Variants in PLSCR3 observed in about 807,000 individuals in gnomAD.
PLSCR3 encodes the protein PL scramblase 3.
A neutral mutation model predicts 33.7 loss-of-function variants in PLSCR3; 17 were observed. The observed-to-expected ratio is 0.50, with a 90% CI of 0.35 to 0.76. The LOEUF is 0.76. Among genes scored for constraint, PLSCR3 ranks in the 30% least tolerant of loss-of-function variants. The pLI, the probability that PLSCR3 is intolerant of heterozygous loss-of-function variation, is 0.01. For missense variants in PLSCR3, 360 were observed against 394.1 expected, an observed-to-expected ratio of 0.91 and a Z score of 0.73; for synonymous variants, 166 against 166.0, an observed-to-expected ratio of 1.00 and a Z score of 0.00.
chr17:7,393,112 G>GGCCCCC (rs1905860108), intron 5 of PLSCR3, 32 bp downstream of exon 5: 175 of 1,255,838 alleles, frequency 1.4e-4, no homozygotes, highest in Non-Finnish European at 1.6e-4. Flanking sequence ...CCCCACCAAG[G>GGCCCCC]CCCGCCCTCC....
chr17:7,390,324 A>C lies in PLSCR3; in HGVS notation c.*61T>G. The C allele has an allele frequency of 7.7e-7, 1 of 1,294,958 alleles. No individual in the cohort carries two copies. The highest frequency in any genetic ancestry group is 1.1e-6 in the Non-Finnish European group (1 of 930,524). The allele number at this position is 1,294,958 out of a possible 1,614,324, so 80.2% of individuals were successfully genotyped here. The stretch of plus-strand genomic sequence containing the variant: ...AAAGGGGCTGCCCAGAGGAGGGGCC[A>C]GGGCAGGTGACCATCTGGAGTTCTG... On this transcript the variant is annotated 3_prime_UTR_variant, in exon 8 of 8. Coordinates refer to ENST00000619711, the MANE Select transcript of PLSCR3 (RefSeq NM_020360.4).
Position 7,393,160 on chromosome 17 carries a change from G to A in PLSCR3, c.491C>T (p.Pro164Leu). The A allele has an allele frequency of 7.1e-7, 1 of 1,414,320 alleles. No individual in the cohort carries two copies. The highest frequency in any genetic ancestry group is 2.6e-4 in the Middle Eastern group (1 of 3,818). 87.6% of individuals were successfully genotyped at this position (1,414,320 alleles called of 1,614,324 possible). ...RPLHCGCSCC[P>L]CGLQEMEVQA... is the part of the protein sequence containing the mutation. ...TCCGCCCACCTCCTGGAGGCCACAG[G>A]GGCAGCAGCTGCAGCCACAGTGCAG... Residue 164 changes from proline (P) to leucine (L), a missense_variant, in exon 5 of 8, where the codon CCC becomes CTC. Coordinates refer to ENST00000619711, the MANE Select transcript of PLSCR3 (RefSeq NM_020360.4).
At position 7,391,923 on chromosome 17, in the gene PLSCR3, C is replaced by G. The variant is rs1175887353; in HGVS notation, c.669+868G>C. On this transcript the variant is annotated intron_variant, in intron 6 of 7. Transcript: ENST00000619711. This position sits in a 1 kb window ranked among gnomAD's most constrained non-coding sequence, Gnocchi z 4.1. ...AGGGTCGGTCAGGTGCGGTGGCTCA[C>G]GCCTGTAATCCCAGCACTTTGGGAG... Among the ~76,000 whole-genome samples the G allele has an allele frequency of 6.6e-6, 1 of 152,206 alleles. No homozygotes were observed. The highest frequency in any genetic ancestry group is 1.5e-5 in the Non-Finnish European group (1 of 68,040).
chr17:7,392,784 C>T lies in PLSCR3; in HGVS notation c.669+7G>A, dbSNP rs1905820068. 2.5e-6 allele frequency: 4 copies of T among 1,613,700 alleles called. No homozygotes were observed. Among genetic ancestry groups the T allele is most frequent in the Non-Finnish European group, 2.5e-6 (3 of 1,179,876 alleles). ...AAGGTCCCAAGAGCCTCTAGTATTC[C>T]TGATACCTCAAAGTTGGTGTCTGTG... On this transcript the variant is annotated splice_region_variant and intron_variant, in intron 6 of 7. Coordinates refer to ENST00000619711, the MANE Select transcript of PLSCR3 (RefSeq NM_020360.4).
At chr17:7,392,044 G>C (rs556473696) in intron 6 of PLSCR3, among the ~76,000 whole-genome samples, 2 of 152,322 alleles carry the variant, frequency 1.3e-5, no homozygotes, top group African/African-American at 4.8e-5. Flanking sequence ...AATTAGCCAG[G>C]CATGGCGGCG....
In PLSCR3 at chr17:7,393,221, G is replaced by T; in HGVS notation, c.430C>A (p.Pro144Thr). ...RRPLRVRLADPGDREVLRLLR... is the reference protein window; with the variant it reads ...RRPLRVRLADTGDREVLRLLR... ...AAACGCAGCACCTCACGGTCCCCGGGGTCGGCCAGGCGGACACGCAGCGGC... is the reference window on the plus strand; with the variant it reads ...AAACGCAGCACCTCACGGTCCCCGGTGTCGGCCAGGCGGACACGCAGCGGC... Residue 144 changes from proline to threonine, a missense_variant, in exon 5 of 8, where the codon CCC becomes ACC. Pro to Thr is a conservative substitution (Grantham distance 38). Transcript: ENST00000619711. The T allele has an allele frequency of 1.3e-6, 2 of 1,573,864 alleles. No homozygotes were observed. The highest frequency in any genetic ancestry group is 1.7e-6 in the Non-Finnish European group (2 of 1,167,702).
Position 7,393,180 on chromosome 17 carries a change from G to A in PLSCR3, c.471C>T (p.His157=). Residue 157 remains histidine, a synonymous_variant, in exon 5 of 8, where the codon CAC becomes CAT. Transcript: ENST00000619711. ...REVLRLLRPL[H]CGCSCCPCGL... is the part of the protein sequence containing the mutation. The stretch of plus-strand genomic sequence containing the variant: ...CACAGGGGCAGCAGCTGCAGCCACA[G>A]TGCAGCGGGCGGAGCAAACGCAGCA... The A allele has an allele frequency of 7.5e-7, 1 of 1,329,020 alleles. No homozygotes were observed. The highest frequency in any genetic ancestry group is 9.7e-7 in the Non-Finnish European group (1 of 1,025,770). The allele number at this position is 1,329,020 out of a possible 1,614,324, so 82.3% of individuals were successfully genotyped here.
At position 7,393,656 on chromosome 17, in the gene PLSCR3, G is replaced by A; in HGVS notation, c.188C>T (p.Ala63Val). ...PSPGPVALGS[A>V]APFLPLPGVP... ...CCCTGGCAGTGGCAAGAAGGGGGCA[G>A]CAGACCCCAAGGCCACGGGGCCAGG... The change falls in exon 3 of 8, where the codon GCT (alanine) becomes GTT (valine). Residue 63 changes from alanine (A) to valine (V), a missense_variant. Ala to Val is a moderately conservative substitution (Grantham distance 64). Coordinates refer to ENST00000619711, the MANE Select transcript of PLSCR3 (RefSeq NM_020360.4). The A allele has an allele frequency of 6.2e-7, 1 of 1,608,452 alleles. No individual in the cohort carries two copies. Among genetic ancestry groups the A allele is most frequent in the South Asian group, 1.1e-5 (1 of 91,010 alleles).
rs1439965320 is a variant in PLSCR3, at chr17:7,391,221, G to A, written c.670-426C>T. Among the ~76,000 whole-genome samples, 2 of 152,188 alleles carry A rather than the reference G, an allele frequency of 1.3e-5. No individual in the cohort carries two copies. Among genetic ancestry groups the A allele is most frequent in the Non-Finnish European group, 2.9e-5 (2 of 68,030 alleles). On this transcript the variant is annotated intron_variant, in intron 6 of 7. Transcript: ENST00000619711. The surrounding 1 kb of genome is among the most constrained non-coding windows in gnomAD (Gnocchi z 4.1). ...TACACAAAGTAACCTGGCCAAAAGG[G>A]CAAGGAAAGCTACTGGAATTCTGGC...
rs1597689740 is a variant in PLSCR3, at chr17:7,390,371, C to T, written c.*14G>A. 1.3e-6 allele frequency: 2 copies of T among 1,540,654 alleles called. No individual in the cohort carries two copies. Among genetic ancestry groups the T allele is most frequent in the Non-Finnish European group, 8.8e-7 (1 of 1,138,946 alleles). ...TCTGGTCGAGGTGATGGTCTCCTCACACCATGGTGGCCTCTAACTGGTGAC... is the reference window on the plus strand; with the variant it reads ...TCTGGTCGAGGTGATGGTCTCCTCATACCATGGTGGCCTCTAACTGGTGAC... On this transcript the variant is annotated 3_prime_UTR_variant, in exon 8 of 8. Coordinates refer to ENST00000619711, the MANE Select transcript of PLSCR3 (RefSeq NM_020360.4).
At position 7,391,718 on chromosome 17, in the gene PLSCR3, G is replaced by A. The variant is rs1415644410; in HGVS notation, c.670-923C>T. On this transcript the variant is annotated intron_variant, in intron 6 of 7. Coordinates refer to ENST00000619711, the MANE Select transcript of PLSCR3 (RefSeq NM_020360.4). This position sits in a 1 kb window ranked among gnomAD's most constrained non-coding sequence, Gnocchi z 4.1. ...TACATTCCCATCTGGAGATCACGCAGTTATTATATCTTATTCCCAATTGGT... is the reference window on the plus strand; with the variant it reads ...TACATTCCCATCTGGAGATCACGCAATTATTATATCTTATTCCCAATTGGT... Among the ~76,000 whole-genome samples, 1 of 152,190 alleles carries A rather than the reference G, an allele frequency of 6.6e-6. No homozygotes were observed. The highest frequency in any genetic ancestry group is 1.5e-5 in the Non-Finnish European group (1 of 68,036).
intron 7 of PLSCR3, 82 bp from the exon 8 acceptor site, chr17:7,390,523 C>G: frequency 6.4e-7 from 1 of 1,559,318 alleles, no homozygotes; most frequent in Non-Finnish European, 8.8e-7. Flanking sequence ...GAACCTCAAC[C>G]CCCACAACAC....
chr17:7,392,440 C>G (rs1161544164), intron 6 of PLSCR3, among the ~76,000 whole-genome samples: 5 of 152,172 alleles, frequency 3.3e-5, no homozygotes, highest in Non-Finnish European at 5.9e-5. Context: ...CGTGCTTGCT[C>G]CAGGGCCTGG....
At position 7,392,917 on chromosome 17, in the gene PLSCR3, G is replaced by A; in HGVS notation, c.543C>T (p.Gly181=). 6.2e-7 allele frequency: 1 copy of A among 1,613,954 alleles called. No individual in the cohort carries two copies. Among genetic ancestry groups the A allele is most frequent in the African/African-American group, 1.3e-5 (1 of 75,042 alleles). ...AGGGATGCCAGGTCTGTAGCACGTGGCCAATGGTGGTGCCTGGTGGAGCCT... is the reference window on the plus strand; with the variant it reads ...AGGGATGCCAGGTCTGTAGCACGTGACCAATGGTGGTGCCTGGTGGAGCCT... ...EVQAPPGTTI[G]HVLQTWHPFL... Residue 181 remains glycine, a synonymous_variant, in exon 6 of 8, where the codon GGC becomes GGT. Coordinates refer to ENST00000619711, the MANE Select transcript of PLSCR3 (RefSeq NM_020360.4).
At chr17:7,393,041 C>A in intron 5 of PLSCR3, 89 bp from the exon 6 acceptor site, 1 of 1,505,914 alleles carries the variant, frequency 6.6e-7, no homozygotes. Context: ...ACCTCCCATC[C>A]CCACCTGCCC....
At position 7,393,371 on chromosome 17, in the gene PLSCR3, G is replaced by A. The variant is rs769622509; in HGVS notation, c.287-7C>T. The A allele has an allele frequency of 6.2e-6, 10 of 1,613,466 alleles. No homozygotes were observed. The highest frequency in any genetic ancestry group is 5.9e-6 in the Non-Finnish European group (7 of 1,179,920). On this transcript the variant is annotated splice_polypyrimidine_tract_variant and splice_region_variant and intron_variant, in intron 4 of 7. Transcript: ENST00000619711. ...GTCTCCCAGCCTAGGAACGCTGCCC[G>A]AGGTGACACGGGGAGACTCGTAGAG... is the stretch of plus-strand genomic sequence containing the variant.
rs557875202 is a variant in PLSCR3, at chr17:7,391,489, C to G, written c.670-694G>C. Among the ~76,000 whole-genome samples, 1 of 152,178 alleles carries G rather than the reference C, an allele frequency of 6.6e-6. No homozygotes were observed. The highest frequency in any genetic ancestry group is 1.5e-5 in the Non-Finnish European group (1 of 68,008). Reference sequence around the variant, plus strand: ...TCTGCTGATGTGGGTAGTTACTCCCCGTGACTTCCTGGTCCTTTTCCTGTG... The same window carrying G: ...TCTGCTGATGTGGGTAGTTACTCCCGGTGACTTCCTGGTCCTTTTCCTGTG... On this transcript the variant is annotated intron_variant, in intron 6 of 7. Coordinates refer to ENST00000619711, the MANE Select transcript of PLSCR3 (RefSeq NM_020360.4). The surrounding 1 kb of genome is among the most constrained non-coding windows in gnomAD (Gnocchi z 4.1).
chr17:7,390,522 C>A, intron 7 of PLSCR3, 81 bp from the exon 8 acceptor site: 1 of 1,559,570 alleles, frequency 6.4e-7, no homozygotes, highest in Non-Finnish European at 8.8e-7. Flanking sequence ...AGAACCTCAA[C>A]CCCCACAACA....
At position 7,393,124 on chromosome 17, in the gene PLSCR3, G is replaced by GC; in HGVS notation, c.507+19_507+20insG. 1 of 381,354 alleles carries GC rather than the reference G, an allele frequency of 2.6e-6. No individual in the cohort carries two copies. The highest frequency in any genetic ancestry group is 3.8e-6 in the Non-Finnish European group (1 of 264,732). 23.6% of individuals were successfully genotyped at this position (381,354 alleles called of 1,614,324 possible). A position where few individuals can be genotyped will look rare whatever the true frequency, so the allele number is the denominator to read the frequency against. On this transcript the variant is annotated intron_variant, in intron 5 of 7. Coordinates refer to ENST00000619711, the MANE Select transcript of PLSCR3 (RefSeq NM_020360.4). ...CCGCCCCACCAAGGCCCGCCCTCCC[G>GC]GCCCCCTCCCTCCGCCCACCTCCTG...
Sources: gnomAD v4.1 joint callset for allele counts (sites outside exome capture counted in the v4.1 genomes callset) on GRCh38, gnomAD v4.1.1 for gene constraint, Gnocchi (gnomAD v3.1) non-coding constraint, MANE v1.5 for transcripts, NCBI Gene and HGNC (gene_info 2026-07-23, HGNC 2026-07-21) for gene names.